SLC30A7: variants seen among roughly 807,000 people sequenced by gnomAD.
SLC30A7 encodes solute carrier family 30 member 7, also known as zinc transporter 7.
A neutral mutation model predicts 46.0 loss-of-function variants in SLC30A7; 35 were observed. The ratio of observed to expected loss-of-function variants is 0.76; its 90% CI spans 0.58 to 1.01. The LOEUF is 1.01. Among genes scored for constraint, SLC30A7 ranks in the 50% least tolerant of loss-of-function variants. The pLI is 0.00. For synonymous variants in SLC30A7, 147 were observed against 157.8 expected (o/e 0.93, Z 0.51); for missense variants, 464 against 451.1 (o/e 1.03, Z -0.26).
At chr1:100,927,782 A>G (rs1339500220) in intron 8 of SLC30A7, among the ~76,000 whole-genome samples, 1 of 152,118 alleles carries the variant, frequency 6.6e-6, no homozygotes, top group African/African-American at 2.4e-5. Flanking sequence ...TATAAAGGTA[A>G]TTGATGCATG....
At chr1:100,955,051 T>C (rs1034967082) in intron 8 of SLC30A7, among the ~76,000 whole-genome samples, 4 of 152,098 alleles carry the variant, frequency 2.6e-5, no homozygotes, top group African/African-American at 9.7e-5. Flanking sequence ...AATCTTGTTT[T>C]AATTAATATT....
Position 100,979,360 on chromosome 1 carries a change from C to T in SLC30A7, c.*4503C>T, listed in dbSNP as rs1656773195. 2 of 149,464 alleles carry T rather than the reference C, an allele frequency of 1.3e-5. No homozygotes were observed. The highest frequency in any genetic ancestry group is 4.9e-5 in the African/African-American group (2 of 40,682). The allele number at this position is 149,464 out of a possible 1,614,324, so 9.3% of individuals were successfully genotyped here. Reference sequence around the variant, plus strand: ...TTGGAAGGCTTGTTGAAGACATGATCCCCCAGAAGCCTTAGTGACCCAGAT... The same window carrying T: ...TTGGAAGGCTTGTTGAAGACATGATTCCCCAGAAGCCTTAGTGACCCAGAT... On this transcript the variant is annotated 3_prime_UTR_variant, in exon 11 of 11. Transcript: ENST00000357650.
At chr1:100,937,465 T>A (rs1654040384) in intron 8 of SLC30A7, among the ~76,000 whole-genome samples, 1 of 152,182 alleles carries the variant, frequency 6.6e-6, no homozygotes, top group Admixed American at 6.5e-5. Context: ...TTTGTTTTTG[T>A]TTTTATTTTT....
At position 100,981,620 on chromosome 1, in the gene SLC30A7, A is replaced by G. The variant is rs1656935216; in HGVS notation, c.*6763A>G. On this transcript the variant is annotated 3_prime_UTR_variant, in exon 11 of 11. Transcript: ENST00000357650. Reference sequence around the variant, plus strand: ...TTATGATTTGCCCAAGTGCAATACAACAAATCTATAATGTATATTTCACAT... The same window carrying G: ...TTATGATTTGCCCAAGTGCAATACAGCAAATCTATAATGTATATTTCACAT... The G allele has an allele frequency of 6.6e-6, 1 of 152,232 alleles. No homozygotes were observed. The highest frequency in any genetic ancestry group is 1.5e-5 in the Non-Finnish European group (1 of 68,030). 9.4% of individuals were successfully genotyped at this position (152,232 alleles called of 1,614,324 possible). A position where few individuals can be genotyped will look rare whatever the true frequency, so the allele number is the denominator to read the frequency against.
intron 8 of SLC30A7, among the ~76,000 whole-genome samples, chr1:100,934,224 A>G (rs1293828993): frequency 6.6e-6 from 1 of 152,240 alleles, no homozygotes; most frequent in African/African-American, 2.4e-5. Flanking sequence ...TGGTTGTACA[A>G]ATAAGTACCA....
At chr1:100,983,178 T>G (rs1007244428), downstream of SLC30A7, among the ~76,000 whole-genome samples, 1 of 151,942 alleles carries the variant, frequency 6.6e-6, no homozygotes. Flanking sequence ...ATCAAACCCT[T>G]GATATGGCAC....
Position 100,961,821 on chromosome 1 carries a change from T to C in SLC30A7, c.843-7T>C. ...CTTTAATAAATTGTTGTCTTCCTTT[T>C]CCTTAGTGTTATTCCTCTTTTAAGA... On this transcript the variant is annotated splice_region_variant and splice_polypyrimidine_tract_variant and intron_variant, in intron 8 of 10. Coordinates refer to ENST00000357650, the MANE Select transcript of SLC30A7 (RefSeq NM_133496.5). The C allele has an allele frequency of 1.3e-6, 2 of 1,555,090 alleles. No individual in the cohort carries two copies. The highest frequency in any genetic ancestry group is 2.3e-5 in the South Asian group (2 of 86,596).
intron 3 of SLC30A7, 89 bp from the exon 4 acceptor site, chr1:100,910,974 G>A: frequency 3.0e-6 from 3 of 1,015,462 alleles, no homozygotes; most frequent in Admixed American, 3.8e-5. Flanking sequence ...CATGTAATAT[G>A]GTTTGGAATC....
chr1:100,906,916 G>C lies in SLC30A7; in HGVS notation c.247G>C (p.Ala83Pro), dbSNP rs1327131285. 4 of 1,613,210 alleles carry C rather than the reference G, an allele frequency of 2.5e-6. No individual in the cohort carries two copies. Among genetic ancestry groups the C allele is most frequent in the Non-Finnish European group, 3.4e-6 (4 of 1,179,516 alleles). ...TAGCACTGCCATTTTGGCTGGACTG[G>C]CAGCTTCTGTTATTTCAAAATGGAG... ...FDSTAILAGL[A>P]ASVISKWRDN... Residue 83 changes from alanine to proline, a missense_variant, in exon 3 of 11, where the codon GCA becomes CCA. Ala to Pro is a conservative substitution (Grantham distance 27). Transcript: ENST00000357650.
intron 8 of SLC30A7, among the ~76,000 whole-genome samples, chr1:100,949,123 C>G (rs1260111160): frequency 6.6e-6 from 1 of 152,174 alleles, no homozygotes; most frequent in Non-Finnish European, 1.5e-5. Context: ...TTAGAATTTT[C>G]AGCTTTTCTG....
intron 3 of SLC30A7, among the ~76,000 whole-genome samples, chr1:100,907,345 T>G (rs1651744920): frequency 2.0e-5 from 3 of 152,186 alleles, no homozygotes. Flanking sequence ...CTAATATGGT[T>G]TTATATTATG....
In SLC30A7 at chr1:100,979,717, C is replaced by T. The variant is rs1411388172; in HGVS notation, c.*4860C>T. 6.6e-6 allele frequency: 1 copy of T among 152,096 alleles called. No individual in the cohort carries two copies. Among genetic ancestry groups the T allele is most frequent in the Non-Finnish European group, 1.5e-5 (1 of 67,980 alleles). The allele number at this position is 152,096 out of a possible 1,614,324, so 9.4% of individuals were successfully genotyped here. On this transcript the variant is annotated 3_prime_UTR_variant, in exon 11 of 11. Transcript: ENST00000357650. ...TTCAAATCTCCTCTAATTCTCATAA[C>T]ATCTCTGTGAGGAAGGAATTTTTAT...
Position 100,980,402 on chromosome 1 carries a change from A to T in SLC30A7, c.*5545A>T, listed in dbSNP as rs1027848508. On this transcript the variant is annotated 3_prime_UTR_variant, in exon 11 of 11. Coordinates refer to ENST00000357650, the MANE Select transcript of SLC30A7 (RefSeq NM_133496.5). Reference sequence around the variant, plus strand: ...ATGTTGACTTCTTACAACAGCCTTGAAAATTATTTGTAATTTTGATCATGA... The same window carrying T: ...ATGTTGACTTCTTACAACAGCCTTGTAAATTATTTGTAATTTTGATCATGA... The T allele has an allele frequency of 1.6e-4, 25 of 152,080 alleles. No individual in the cohort carries two copies. Among genetic ancestry groups the T allele is most frequent in the Non-Finnish European group, 4.4e-5 (3 of 67,954 alleles). 9.4% of individuals were successfully genotyped at this position (152,080 alleles called of 1,614,324 possible). A position where few individuals can be genotyped will look rare whatever the true frequency, so the allele number is the denominator to read the frequency against.
At chr1:100,896,982 A>G (rs1296046856) in intron 2 of SLC30A7, among the ~76,000 whole-genome samples, 1 of 150,498 alleles carries the variant, frequency 6.6e-6, no homozygotes, top group Non-Finnish European at 1.5e-5. Flanking sequence ...CCTTAGGTTT[A>G]CCCACTTTGT....
At chr1:100,922,010 G>A (rs577142255) in intron 8 of SLC30A7, among the ~76,000 whole-genome samples, 169 bp downstream of exon 8, 2 of 135,618 alleles carry the variant, frequency 1.5e-5, no homozygotes, top group East Asian at 4.3e-4. Context: ...CTGGAGTGCT[G>A]TGGCACTGTC....
chr1:100,915,193 T>TTTTCTTTTC (rs1553236582), intron 6 of SLC30A7, among the ~76,000 whole-genome samples: 1,054 of 90,864 alleles, frequency 0.012, 18 homozygotes, highest in East Asian at 0.066. Context: ...CTTTTCTTTC[T>TTTTCTTTTC]TTTCTTTCTT....
chr1:100,966,909 A>G (rs1655904163), intron 10 of SLC30A7, among the ~76,000 whole-genome samples: 1 of 152,210 alleles, frequency 6.6e-6, no homozygotes, highest in African/African-American at 2.4e-5. Flanking sequence ...ATACCTTTAT[A>G]TGCTGTTGAG....
At chr1:100,992,904 G>T in the SLC30A7 span, among the ~76,000 whole-genome samples, 19 of 152,260 alleles carry the variant, frequency 1.2e-4, no homozygotes, top group Non-Finnish European at 1.6e-4. Context: ...CATGATGATT[G>T]TTCATTTCTT....
intron 5 of SLC30A7, among the ~76,000 whole-genome samples, 193 bp downstream of exon 5, chr1:100,912,431 G>A (rs992184529): frequency 2.0e-5 from 3 of 152,128 alleles, no homozygotes; most frequent in East Asian, 3.8e-4. Context: ...CTTGTATCAT[G>A]GATCCCACCA....
Sources: allele counts gnomAD v4.1 joint callset (sites outside exome capture counted in the v4.1 genomes callset), GRCh38; gene constraint gnomAD v4.1.1; transcripts MANE v1.5; gene names NCBI Gene and HGNC (gene_info 2026-07-23, HGNC 2026-07-21).